HMG20A: variants seen among roughly 807,000 people sequenced by gnomAD.
HMG20A encodes high mobility group protein 20A.
A neutral mutation model predicts 43.9 loss-of-function variants in HMG20A; 17 were observed. The ratio of observed to expected loss-of-function variants is 0.39; its 90% CI spans 0.27 to 0.58. The LOEUF (loss-of-function observed/expected upper bound fraction) is 0.58. HMG20A is among the 20% of genes least tolerant of loss of function. The probability of loss-of-function intolerance (pLI) is 0.59; values close to 1 mark genes in which losing one functional copy is unlikely to be tolerated. For missense variants in HMG20A, 341 were observed against 438.2 expected, an observed-to-expected ratio of 0.78 and a Z score of 1.98; for synonymous variants, 132 against 147.5, an observed-to-expected ratio of 0.89 and a Z score of 0.76.
chr15:77,442,188 C>G (rs891273414), intron 1 of HMG20A, among the ~76,000 whole-genome samples: 14 of 152,164 alleles, frequency 9.2e-5, no homozygotes, highest in African/African-American at 3.4e-4. Flanking sequence ...TTTTCCTGGT[C>G]TGTTTTCCCA....
downstream of HMG20A, among the ~76,000 whole-genome samples, chr15:77,485,993 A>C (rs771353020): frequency 3.9e-5 from 6 of 152,246 alleles, no homozygotes; most frequent in Non-Finnish European, 8.8e-5. Context: ...GACTTTGTCA[A>C]CTCTACATTA....
chr15:77,467,405 GT>G (rs2072766812), intron 4 of HMG20A, 98 bp downstream of exon 4: 1 of 1,022,202 alleles, frequency 9.8e-7, no homozygotes, highest in African/African-American at 1.6e-5. Flanking sequence ...TGATTCTGCA[GT>G]TTTGTCACAG....
intron 1 of HMG20A, among the ~76,000 whole-genome samples, chr15:77,434,691 G>A (rs1188630746): frequency 1.3e-5 from 2 of 152,082 alleles, no homozygotes; most frequent in African/African-American, 4.8e-5. Context: ...AGTATCTTGA[G>A]GCCTCTCACT....
chr15:77,491,824 G>T, the HMG20A span, among the ~76,000 whole-genome samples: 1 of 152,208 alleles, frequency 6.6e-6, no homozygotes, highest in Non-Finnish European at 1.5e-5. Flanking sequence ...AAGTAATTCA[G>T]CGTGACTGGA....
the HMG20A span, among the ~76,000 whole-genome samples, chr15:77,516,585 C>T: frequency 6.6e-6 from 1 of 152,266 alleles, no homozygotes; most frequent in African/African-American, 2.4e-5. Context: ...GACCCAGACC[C>T]TCCCCAAAAG....
the HMG20A span, among the ~76,000 whole-genome samples, chr15:77,507,095 C>T: frequency 2.4e-3 from 366 of 152,328 alleles, 2 homozygotes; most frequent in African/African-American, 8.2e-3. Flanking sequence ...AAAGAATTTC[C>T]TCTCTGCCTG....
chr15:77,455,775 A>G (rs1220517539), intron 1 of HMG20A, among the ~76,000 whole-genome samples: 1 of 152,234 alleles, frequency 6.6e-6, no homozygotes. Context: ...CACAGATGCT[A>G]CATGTGAAGG....
chr15:77,442,176 C>T (rs2073619809), intron 1 of HMG20A, among the ~76,000 whole-genome samples: 1 of 152,192 alleles, frequency 6.6e-6, no homozygotes, highest in Admixed American at 6.5e-5. Flanking sequence ...ATGCTGAGCT[C>T]ATTTTCCTGG....
chr15:77,482,307 T>C (rs1222415066), intron 9 of HMG20A: 1 of 152,182 alleles, frequency 6.6e-6, no homozygotes, highest in Non-Finnish European at 1.5e-5. Context: ...TTGATAAATA[T>C]ACAGTGGAAG....
At chr15:77,488,098 C>G (rs1441593995), downstream of HMG20A, among the ~76,000 whole-genome samples, 3 of 152,156 alleles carry the variant, frequency 2.0e-5, no homozygotes, top group Admixed American at 6.5e-5. Flanking sequence ...AAGTGCATGG[C>G]CAATGCAGAT....
At chr15:77,497,605 C>G in the HMG20A span, among the ~76,000 whole-genome samples, 2 of 151,300 alleles carry the variant, frequency 1.3e-5, no homozygotes, top group African/African-American at 4.9e-5. Context: ...AGCAGTGGGT[C>G]TGGGGCCAGG....
intron 1 of HMG20A, among the ~76,000 whole-genome samples, chr15:77,452,423 A>G (rs2072612423): frequency 6.6e-6 from 1 of 152,220 alleles, no homozygotes; most frequent in African/African-American, 2.4e-5. Context: ...GGCATCTGAT[A>G]CATTCTTGAT....
At chr15:77,442,071 C>T (rs947373817) in intron 1 of HMG20A, among the ~76,000 whole-genome samples, 6 of 152,120 alleles carry the variant, frequency 3.9e-5, no homozygotes, top group African/African-American at 7.2e-5. Context: ...CAACAACTTA[C>T]CAAAAGCTTG....
chr15:77,468,689 A>G (rs906891343), intron 4 of HMG20A, among the ~76,000 whole-genome samples: 1 of 152,038 alleles, frequency 6.6e-6, no homozygotes, highest in African/African-American at 2.4e-5. Context: ...TAAATTATAT[A>G]CATTGTAGCC....
At chr15:77,498,431 T>C in the HMG20A span, among the ~76,000 whole-genome samples, 1 of 152,168 alleles carries the variant, frequency 6.6e-6, no homozygotes, top group Non-Finnish European at 1.5e-5. Flanking sequence ...TGTGCAGTAA[T>C]TTTACACTCT....
At chr15:77,440,260 A>G (rs1040511365) in intron 1 of HMG20A, among the ~76,000 whole-genome samples, 1 of 152,190 alleles carries the variant, frequency 6.6e-6, no homozygotes, top group South Asian at 2.1e-4. Context: ...GCCTAGCCTA[A>G]GATCATGAAG....
intron 2 of HMG20A, among the ~76,000 whole-genome samples, chr15:77,459,995 G>T (rs936626754): frequency 6.6e-6 from 1 of 152,170 alleles, no homozygotes; most frequent in Admixed American, 6.5e-5. Context: ...ACATTGGAGG[G>T]TTTCACACAG....
intron 2 of HMG20A, among the ~76,000 whole-genome samples, chr15:77,464,028 C>T (rs1052322271): frequency 6.6e-6 from 1 of 152,220 alleles, no homozygotes; most frequent in Non-Finnish European, 1.5e-5. Context: ...TAGGAGATGT[C>T]TTCATGGAAC....
chr15:77,493,766 C>A, the HMG20A span, among the ~76,000 whole-genome samples: 2 of 152,130 alleles, frequency 1.3e-5, no homozygotes, highest in African/African-American at 2.4e-5. Flanking sequence ...AGAGCACCTA[C>A]AGTGATCTTG....
Sources: gnomAD v4.1 joint callset for allele counts (sites outside exome capture counted in the v4.1 genomes callset) on GRCh38, gnomAD v4.1.1 for gene constraint, MANE v1.5 for transcripts, NCBI Gene and HGNC (gene_info 2026-07-23, HGNC 2026-07-21) for gene names.